The following CASC3 variants were observed in gnomAD, a reference collection of about 807,000 sequenced individuals.
The protein encoded by CASC3 is protein CASC3.
CASC3 carries 30 observed loss-of-function variants against 80.5 expected under a neutral mutation model. That is an observed-to-expected ratio of 0.37 (90% CI 0.28 to 0.51). The LOEUF is 0.51. Among genes scored for constraint, CASC3 ranks in the 20% least tolerant of loss-of-function variants. The probability of loss-of-function intolerance (pLI) is 0.94; values close to 1 mark genes in which losing one functional copy is unlikely to be tolerated. For missense variants in CASC3, 824 were observed against 922.2 expected (o/e 0.89, Z 1.38); for synonymous variants, 312 against 333.6 (o/e 0.94, Z 0.70).
At chr17:40,145,688 T>C (rs1432517508) in intron 3 of CASC3, among the ~76,000 whole-genome samples, 1 of 151,780 alleles carries the variant, frequency 6.6e-6, no homozygotes, top group East Asian at 1.9e-4. Flanking sequence ...ATCACTGTAC[T>C]CCAGCCTGGG....
At chr17:40,146,578 A>G (rs1988867825) in intron 3 of CASC3, among the ~76,000 whole-genome samples, 1 of 151,638 alleles carries the variant, frequency 6.6e-6, no homozygotes, top group African/African-American at 2.4e-5. Flanking sequence ...CTGGGATTAC[A>G]GGCGCACGCC....
At chr17:40,143,509 C>T (rs1567675645) in intron 3 of CASC3, among the ~76,000 whole-genome samples, 1 of 152,116 alleles carries the variant, frequency 6.6e-6, no homozygotes, top group East Asian at 1.9e-4. Context: ...ATGGTGACTA[C>T]AGTCAACCAG....
chr17:40,150,208 C>G (rs770308264), intron 3 of CASC3, among the ~76,000 whole-genome samples: 1 of 151,954 alleles, frequency 6.6e-6, no homozygotes, highest in Non-Finnish European at 1.5e-5. Context: ...AAGTGAGACC[C>G]TCTCTCTACA....
At chr17:40,161,633 TG>T in intron 3 of CASC3, 119 bp from the exon 4 acceptor site, 3 of 811,180 alleles carry the variant, frequency 3.7e-6, no homozygotes, top group Non-Finnish European at 6.1e-6. Flanking sequence ...GAGCTGAGAT[TG>T]TGCCACTGTA....
intron 3 of CASC3, among the ~76,000 whole-genome samples, chr17:40,156,106 A>T (rs986238807): frequency 2.0e-5 from 3 of 152,112 alleles, no homozygotes; most frequent in Non-Finnish European, 4.4e-5. Context: ...GTGTAGGGAG[A>T]TGGAGAATTA....
chr17:40,165,030 C>T (rs1002000183), intron 7 of CASC3, among the ~76,000 whole-genome samples: 8 of 151,418 alleles, frequency 5.3e-5, no homozygotes, highest in Admixed American at 1.3e-4. Flanking sequence ...ACGCCATTCT[C>T]CTGCCTCAGC....
At chr17:40,167,315 A>G (rs961074076) in intron 8 of CASC3, 183 bp from the exon 9 acceptor site, 6 of 592,428 alleles carry the variant, frequency 1.0e-5, no homozygotes, top group Admixed American at 9.3e-5. Context: ...TGGATCTCCT[A>G]AATGTAAGGT....
chr17:40,141,603 C>T lies in CASC3; in HGVS notation c.293C>T (p.Ser98Leu), dbSNP rs774910900. The change falls in exon 3 of 14, where the codon TCG (serine) becomes TTG (leucine). Residue 98 changes from serine to leucine, a missense_variant. By Grantham distance (145) the Ser-to-Leu change is moderately radical. Coordinates refer to ENST00000264645, the MANE Select transcript of CASC3 (RefSeq NM_007359.5). ...VLSDYESAED[S>L]EGEEGEYSEE... Reference sequence around the variant, plus strand: ...TCGGATTATGAAAGTGCAGAAGACTCGGAAGTGAGTATGACAGGTTTTTTC... The same window carrying T: ...TCGGATTATGAAAGTGCAGAAGACTTGGAAGTGAGTATGACAGGTTTTTTC... 1.9e-6 allele frequency: 3 copies of T among 1,612,846 alleles called. No homozygotes were observed. The highest frequency in any genetic ancestry group is 4.5e-5 in the East Asian group (2 of 44,898).
chr17:40,168,481 A>G (rs1242199779), intron 11 of CASC3, 64 bp downstream of exon 11: 1 of 1,400,458 alleles, frequency 7.1e-7, no homozygotes, highest in Non-Finnish European at 1.0e-6. Flanking sequence ...GGAATGTGGT[A>G]TGGGGAGAAT....
At chr17:40,157,357 A>AT (rs1424847754) in intron 3 of CASC3, among the ~76,000 whole-genome samples, 1 of 149,904 alleles carries the variant, frequency 6.7e-6, no homozygotes, top group African/African-American at 2.5e-5. Context: ...AAATAAATAA[A>AT]TAAATAAATA....
intron 1 of CASC3, 27 bp downstream of exon 1, chr17:40,140,806 G>T: frequency 7.1e-7 from 1 of 1,402,034 alleles, no homozygotes; most frequent in South Asian, 1.5e-5. Flanking sequence ...GGGGCGGGGT[G>T]GGGACCGGGC....
Position 40,170,864 on chromosome 17 carries a change from T to C in CASC3, c.*459T>C. ...TTTTCTCTTTGTTTCTGTTTCTTGC[T>C]CTCTCTCCCTGCCTTTAAATGAAAC... On this transcript the variant is annotated 3_prime_UTR_variant, in exon 14 of 14. Transcript: ENST00000264645. 1 of 985,290 alleles carries C rather than the reference T, an allele frequency of 1.0e-6. No homozygotes were observed. Among genetic ancestry groups the C allele is most frequent in the Non-Finnish European group, 1.2e-6 (1 of 829,688 alleles). The allele number at this position is 985,290 out of a possible 1,614,324, so 61.0% of individuals were successfully genotyped here. A position where few individuals can be genotyped will look rare whatever the true frequency, so the allele number is the denominator to read the frequency against.
intron 3 of CASC3, among the ~76,000 whole-genome samples, chr17:40,154,899 T>C (rs993548053): frequency 1.3e-5 from 2 of 152,188 alleles, no homozygotes; most frequent in Admixed American, 1.3e-4. Context: ...TTCATTCTTT[T>C]TGTTTTTTGA....
At chr17:40,153,886 T>A (rs1424248802) in intron 3 of CASC3, among the ~76,000 whole-genome samples, 6 of 152,070 alleles carry the variant, frequency 3.9e-5, no homozygotes. Flanking sequence ...CCAGCCTTGC[T>A]AACATGGCGA....
chr17:40,155,174 C>T (rs1296837269), intron 3 of CASC3, among the ~76,000 whole-genome samples: 1 of 152,118 alleles, frequency 6.6e-6, no homozygotes, highest in Non-Finnish European at 1.5e-5. Context: ...CAGGCATGAG[C>T]CACTGCGCCT....
chr17:40,141,620 G>A lies in CASC3; in HGVS notation c.297+13G>A, dbSNP rs751191341. The A allele has an allele frequency of 7.5e-6, 12 of 1,608,328 alleles. No individual in the cohort carries two copies. Among genetic ancestry groups the A allele is most frequent in the Non-Finnish European group, 5.1e-6 (6 of 1,174,966 alleles). On this transcript the variant is annotated intron_variant, in intron 3 of 13. Coordinates refer to ENST00000264645, the MANE Select transcript of CASC3 (RefSeq NM_007359.5). ...AGAAGACTCGGAAGTGAGTATGACA[G>A]GTTTTTTCCTATGGTATAGATCAGA...
At position 40,170,580 on chromosome 17, in the gene CASC3, G is replaced by T; in HGVS notation, c.*175G>T. On this transcript the variant is annotated 3_prime_UTR_variant, in exon 14 of 14. Coordinates refer to ENST00000264645, the MANE Select transcript of CASC3 (RefSeq NM_007359.5). ...GACCCCTGCCTTCCTCTGAGGACAG[G>T]CTCTAGAGAGAGGGAGAAACAAGTG... 1 of 985,586 alleles carries T rather than the reference G, an allele frequency of 1.0e-6. No individual in the cohort carries two copies. Among genetic ancestry groups the T allele is most frequent in the African/African-American group, 1.7e-5 (1 of 57,336 alleles). The allele number at this position is 985,586 out of a possible 1,614,324, so 61.1% of individuals were successfully genotyped here.
chr17:40,167,460 T>C (rs1567684901), intron 8 of CASC3, 38 bp from the exon 9 acceptor site: 2 of 1,471,906 alleles, frequency 1.4e-6, no homozygotes, highest in Non-Finnish European at 1.9e-6. Context: ...GAGAGCCCTC[T>C]AGAATTCTTA....
At chr17:40,147,361 A>G (rs1188226051) in intron 3 of CASC3, among the ~76,000 whole-genome samples, 1 of 152,148 alleles carries the variant, frequency 6.6e-6, no homozygotes, top group Non-Finnish European at 1.5e-5. Flanking sequence ...AAAGGAGGCC[A>G]GGTACCTTGG....
Sources: gnomAD v4.1 joint callset for allele counts (sites outside exome capture counted in the v4.1 genomes callset) on GRCh38, gnomAD v4.1.1 for gene constraint, MANE v1.5 for transcripts, NCBI Gene and HGNC (gene_info 2026-07-23, HGNC 2026-07-21) for gene names.